NOS1AP: variants seen among roughly 807,000 people sequenced by gnomAD.
NOS1AP encodes the protein carboxyl-terminal PDZ ligand of neuronal nitric oxide synthase protein.
NOS1AP carries 21 observed loss-of-function variants against 56.2 expected under a neutral mutation model. That is an observed-to-expected ratio of 0.37 (90% CI 0.26 to 0.54). The LOEUF (loss-of-function observed/expected upper bound fraction) is 0.54, where lower values mean the gene tolerates loss of function less well. NOS1AP is among the 20% of genes least tolerant of loss of function. NOS1AP has a pLI of 0.84. For missense variants in NOS1AP, 522 were observed against 657.8 expected, an observed-to-expected ratio of 0.79 and a Z score of 2.26; for synonymous variants, 270 against 274.6, an observed-to-expected ratio of 0.98 and a Z score of 0.17.
At chr1:162,148,543 GC>G (rs1479161590) in intron 1 of NOS1AP, among the ~76,000 whole-genome samples, 2 of 151,016 alleles carry the variant, frequency 1.3e-5, no homozygotes, top group African/African-American at 4.9e-5. Context: ...ATGTGTAGAT[GC>G]CCTTGAATGT....
chr1:162,230,820 G>A (rs1233210296), intron 2 of NOS1AP, among the ~76,000 whole-genome samples: 2 of 152,078 alleles, frequency 1.3e-5, no homozygotes, highest in East Asian at 1.9e-4. Flanking sequence ...AGCAGGTGTC[G>A]AATTTCCTCC....
chr1:162,123,064 A>C (rs1192994572), intron 1 of NOS1AP, among the ~76,000 whole-genome samples: 1 of 152,220 alleles, frequency 6.6e-6, no homozygotes, highest in East Asian at 1.9e-4. Flanking sequence ...AGATCTTTGA[A>C]ATATTGACTT....
intron 2 of NOS1AP, among the ~76,000 whole-genome samples, chr1:162,256,852 C>T (rs753051750): frequency 7.9e-5 from 12 of 152,096 alleles, no homozygotes; most frequent in Non-Finnish European, 8.8e-5. Context: ...GAACCAGATC[C>T]CAGAGTTGCT....
intron 2 of NOS1AP, among the ~76,000 whole-genome samples, chr1:162,172,058 G>C (rs1302648430): frequency 2.6e-5 from 4 of 152,208 alleles, no homozygotes; most frequent in African/African-American, 9.6e-5. Context: ...GAGTTGCTCA[G>C]TGGGAGAAAC....
intron 8 of NOS1AP, chr1:162,364,371 T>G: frequency 1.0e-6 from 1 of 985,478 alleles, no homozygotes; most frequent in Non-Finnish European, 1.2e-6. Context: ...AAATGCTCCC[T>G]GGAGAACTCT....
chr1:162,147,042 A>C (rs1649491522), intron 1 of NOS1AP, among the ~76,000 whole-genome samples: 1 of 152,212 alleles, frequency 6.6e-6, no homozygotes. Flanking sequence ...TGATTGATAA[A>C]TACAAGGCCG....
chr1:162,147,304 C>G (rs1649509579), intron 1 of NOS1AP, among the ~76,000 whole-genome samples: 2 of 146,440 alleles, frequency 1.4e-5, no homozygotes, highest in South Asian at 4.3e-4. Context: ...TGCACTCCAG[C>G]CTGGGCGACA....
intron 1 of NOS1AP, among the ~76,000 whole-genome samples, chr1:162,077,196 C>T (rs1441002575): frequency 6.6e-6 from 1 of 152,178 alleles, no homozygotes; most frequent in Non-Finnish European, 1.5e-5. Flanking sequence ...TTTCCACCAG[C>T]AGTGTGTTCA....
At chr1:162,364,396 G>C (rs1657999623) in intron 8 of NOS1AP, 1 of 985,286 alleles carries the variant, frequency 1.0e-6, no homozygotes, top group South Asian at 4.7e-5. Flanking sequence ...TCACTTCTTT[G>C]CACAAGAATC....
intron 1 of NOS1AP, among the ~76,000 whole-genome samples, chr1:162,143,934 A>T (rs1036305422): frequency 1.3e-5 from 2 of 152,058 alleles, no homozygotes; most frequent in African/African-American, 4.8e-5. Flanking sequence ...AGAATAAGGG[A>T]TCTCTCTCTA....
intron 1 of NOS1AP, among the ~76,000 whole-genome samples, chr1:162,089,005 G>A (rs1003606431): frequency 2.0e-5 from 3 of 151,920 alleles, no homozygotes; most frequent in African/African-American, 7.3e-5. Flanking sequence ...TGTGTATTTT[G>A]TGTCTCAGAC....
Position 162,268,322 on chromosome 1 carries a change from CT to C in NOS1AP, c.178-19021del, listed in dbSNP as rs1356026777. 1.4e-3 allele frequency among the ~76,000 whole-genome samples: 133 copies of C among 95,998 alleles called. No individual in the cohort carries two copies. The East Asian group carries it at 0.046, about 33-fold the overall frequency. The allele number at this position is 95,998 out of a possible 152,430, so 63.0% of individuals were successfully genotyped here. A position where few individuals can be genotyped will look rare whatever the true frequency, so the allele number is the denominator to read the frequency against. On this transcript the variant is annotated intron_variant, in intron 2 of 9. Transcript: ENST00000361897. ...AGTGTGGCCCTGTAGCTCCCCCCCC[CT>C]ATTTCTAGAATATTTATTATAAGAG...
intron 2 of NOS1AP, among the ~76,000 whole-genome samples, chr1:162,180,355 C>T (rs1651211323): frequency 6.6e-6 from 1 of 152,188 alleles, no homozygotes; most frequent in Non-Finnish European, 1.5e-5. Context: ...CGCCGTTCTT[C>T]TGCCTCAGCC....
intron 2 of NOS1AP, among the ~76,000 whole-genome samples, chr1:162,182,806 T>A (rs2102147066): frequency 1.3e-5 from 2 of 152,324 alleles, no homozygotes; most frequent in African/African-American, 4.8e-5. Flanking sequence ...CAGGCTCCAC[T>A]TCTCATCGTA....
intron 2 of NOS1AP, 116 bp downstream of exon 2, chr1:162,154,592 C>T (rs986536650): frequency 6.2e-6 from 5 of 801,426 alleles, no homozygotes; most frequent in Non-Finnish European, 1.1e-5. Flanking sequence ...CAAACCCAAA[C>T]TCCTCCTCTC....
intron 4 of NOS1AP, among the ~76,000 whole-genome samples, chr1:162,309,109 T>A (rs574561373): frequency 5.3e-5 from 8 of 152,332 alleles, no homozygotes; most frequent in Non-Finnish European, 1.2e-4. Flanking sequence ...AACTACATTT[T>A]AAGGTAAATG....
At chr1:162,088,881 T>C (rs1340313440) in intron 1 of NOS1AP, among the ~76,000 whole-genome samples, 4 of 152,124 alleles carry the variant, frequency 2.6e-5, no homozygotes, top group Non-Finnish European at 5.9e-5. Flanking sequence ...GTAACGTCTT[T>C]ATGAATTATG....
intron 2 of NOS1AP, among the ~76,000 whole-genome samples, chr1:162,282,673 G>A (rs1446401387): frequency 6.6e-6 from 1 of 152,200 alleles, no homozygotes; most frequent in Non-Finnish European, 1.5e-5. Flanking sequence ...CTGAAACCGA[G>A]ACTATAGACA....
At chr1:162,360,893 C>T (rs1423737546) in intron 8 of NOS1AP, 1 of 456,690 alleles carries the variant, frequency 2.2e-6, no homozygotes, top group South Asian at 1.5e-5. Context: ...CCTGGCCCTG[C>T]CCTCACTTCT....
Sources: gnomAD v4.1 joint callset for allele counts (sites outside exome capture counted in the v4.1 genomes callset) on GRCh38, gnomAD v4.1.1 for gene constraint, MANE v1.5 for transcripts, NCBI Gene and HGNC (gene_info 2026-07-23, HGNC 2026-07-21) for gene names.